LRP4: variants seen among roughly 807,000 people sequenced by gnomAD.
The protein encoded by LRP4 is LDL receptor related protein 4, also known as low-density lipoprotein receptor-related protein 4.
In LRP4, 95 loss-of-function variants were observed where a neutral mutation model predicts 220.3. That is an observed-to-expected ratio of 0.43 (90% CI 0.37 to 0.51). The LOEUF (loss-of-function observed/expected upper bound fraction) is 0.51. LRP4 is among the 20% of genes least tolerant of loss of function. LRP4 has a pLI of 0.00. For missense variants in LRP4, 1,925 were observed against 2,567.0 expected, an observed-to-expected ratio of 0.75 and a Z score of 5.40; for synonymous variants, 903 against 954.6, an observed-to-expected ratio of 0.95 and a Z score of 1.00.
In LRP4 at chr11:46,857,823, C is replaced by T. The variant is rs1019984159; in HGVS notation, c.*1160G>A. The T allele has an allele frequency of 1.3e-5, 2 of 152,614 alleles. No individual in the cohort carries two copies. Among genetic ancestry groups the T allele is most frequent in the African/African-American group, 4.8e-5 (2 of 41,422 alleles). The allele number at this position is 152,614 out of a possible 1,614,324, so 9.5% of individuals were successfully genotyped here. A position where few individuals can be genotyped will look rare whatever the true frequency, so the allele number is the denominator to read the frequency against. ...GAGGGGACAGCTGGAAGAGGAACAT[C>T]ACCACCCCGTAGCCACAGGCTTGCT... On this transcript the variant is annotated 3_prime_UTR_variant, in exon 38 of 38. Coordinates refer to ENST00000378623, the MANE Select transcript of LRP4 (RefSeq NM_002334.4).
intron 7 of LRP4, among the ~76,000 whole-genome samples, chr11:46,897,750 T>A (rs1746061429): frequency 6.6e-6 from 1 of 152,222 alleles, no homozygotes; most frequent in Non-Finnish European, 1.5e-5. Context: ...CAGAACAAAA[T>A]GAAAAGTCTC....
chr11:46,895,400 T>TA (rs1941506345), intron 10 of LRP4, 109 bp from the exon 11 acceptor site: 9 of 1,444,700 alleles, frequency 6.2e-6, no homozygotes, highest in Middle Eastern at 1.7e-4. Flanking sequence ...TTTCCAGGCC[T>TA]AGTGGGAAGG....
At position 46,875,636 on chromosome 11, in the gene LRP4, C is replaced by A; in HGVS notation, c.3745G>T (p.Val1249Leu). 4 of 1,614,162 alleles carry A rather than the reference C, an allele frequency of 2.5e-6. No homozygotes were observed. Among genetic ancestry groups the A allele is most frequent in the Non-Finnish European group, 3.4e-6 (4 of 1,180,022 alleles). ...CCATATGGGTGCTGCACCGGTGACACCAATGTATGCCGATTGGCACCATTC... is the reference window on the plus strand; with the variant it reads ...CCATATGGGTGCTGCACCGGTGACAACAATGTATGCCGATTGGCACCATTC... The part of the protein sequence containing the change: ...DLNGANRHTL[V>L]SPVQHPYGLT... The change falls in exon 27 of 38, where the codon GTG (valine) becomes TTG (leucine). Residue 1249 changes from valine to leucine, a missense_variant. Val to Leu is a conservative substitution (Grantham distance 32, BLOSUM62 1). Transcript: ENST00000378623. This position sits in a 1 kb window ranked among gnomAD's most constrained non-coding sequence, Gnocchi z 4.5.
chr11:46,878,999 T>G lies in LRP4; in HGVS notation c.3044A>C (p.His1015Pro). Residue 1015 changes from histidine to proline, a missense_variant, in exon 22 of 38, where the codon CAC becomes CCC. Physicochemically the swap from His to Pro is moderately conservative, Grantham distance 77 (BLOSUM62 -2). Transcript: ENST00000378623. ...PCAMENGGCS[H>P]LCLRSPNPSG... is the part of the protein sequence containing the mutation. ...TGGATTTGGGGACCTAAGACACAGG[T>G]GGCTACAGCCGCCATTCTCCATAGC... 6.2e-7 allele frequency: 1 copy of G among 1,614,086 alleles called. No homozygotes were observed. Among genetic ancestry groups the G allele is most frequent in the Non-Finnish European group, 8.5e-7 (1 of 1,180,012 alleles).
Position 46,890,888 on chromosome 11 carries a change from C to T in LRP4, c.1698-394G>A, listed in dbSNP as rs2134840476. 6.6e-6 allele frequency among the ~76,000 whole-genome samples: 1 copy of T among 152,198 alleles called. No individual in the cohort carries two copies. The highest frequency in any genetic ancestry group is 2.1e-4 in the South Asian group (1 of 4,814). On this transcript the variant is annotated intron_variant, in intron 13 of 37. Transcript: ENST00000378623. This position sits in a 1 kb window ranked among gnomAD's most constrained non-coding sequence, Gnocchi z 5.3. ...GGATTATAGGCATGAGTCACCATGC[C>T]CAGCCTCAGAATGCTTTTTAAGTGT...
chr11:46,878,875 G>A, intron 22 of LRP4, 32 bp downstream of exon 22: 2 of 1,613,576 alleles, frequency 1.2e-6, no homozygotes, highest in Non-Finnish European at 1.7e-6. Context: ...TCCCAGAGAG[G>A]CTGCATCTAG....
Position 46,879,291 on chromosome 11 carries a change from G to A in LRP4, c.2839C>T (p.His947Tyr), listed in dbSNP as rs760704709. The A allele has an allele frequency of 6.2e-7, 1 of 1,614,138 alleles. No homozygotes were observed. Among genetic ancestry groups the A allele is most frequent in the Non-Finnish European group, 8.5e-7 (1 of 1,180,044 alleles). ...CCATAGAGGGTCAGCCCAAATGGGTGGGGGAGCTGGCTTCCAATCAGCACC... is the reference window on the plus strand; with the variant it reads ...CCATAGAGGGTCAGCCCAAATGGGTAGGGGAGCTGGCTTCCAATCAGCACC... ...RKVLIGSQLP[H>Y]PFGLTLYGER... Residue 947 changes from histidine to tyrosine, a missense_variant, in exon 21 of 38, where the codon CAC (histidine) becomes TAC (tyrosine). Transcript: ENST00000378623.
chr11:46,875,354 C>T lies in LRP4; in HGVS notation c.3925+102G>A. ...GGAGCTTAAACAGGTCACCGTCTTT[C>T]TGGCTGTAAAGGAGCTCTGTGCTCT... is the stretch of plus-strand genomic sequence containing the variant. On this transcript the variant is annotated intron_variant, in intron 27 of 37. Coordinates refer to ENST00000378623, the MANE Select transcript of LRP4 (RefSeq NM_002334.4). The surrounding 1 kb of genome is among the most constrained non-coding windows in gnomAD (Gnocchi z 4.5). 1 of 1,121,386 alleles carries T rather than the reference C, an allele frequency of 8.9e-7. No individual in the cohort carries two copies. 69.5% of individuals were successfully genotyped at this position (1,121,386 alleles called of 1,614,324 possible). A position where few individuals can be genotyped will look rare whatever the true frequency, so the allele number is the denominator to read the frequency against.
intron 1 of LRP4, among the ~76,000 whole-genome samples, chr11:46,906,764 A>T (rs748016519): frequency 3.9e-5 from 6 of 152,090 alleles, no homozygotes; most frequent in Non-Finnish European, 5.9e-5. Flanking sequence ...CTGAGTGATA[A>T]CAGAAGTCCC....
intron 7 of LRP4, among the ~76,000 whole-genome samples, chr11:46,898,008 C>T (rs1447006919): frequency 7.1e-6 from 1 of 140,246 alleles, no homozygotes; most frequent in Non-Finnish European, 1.5e-5. Context: ...GGGGGCTGAC[C>T]CCCCAACCTC....
At chr11:46,881,675 T>TTACC in intron 20 of LRP4, 27 bp downstream of exon 20, 2 of 1,602,632 alleles carry the variant, frequency 1.2e-6, no homozygotes, top group Non-Finnish European at 1.7e-6. Context: ...AGTGCCACCC[T>TTACC]TACCTTCCTC....
intron 30 of LRP4, 122 bp from the exon 31 acceptor site, chr11:46,871,755 C>G (rs1214662971): frequency 5.5e-6 from 4 of 726,742 alleles, no homozygotes; most frequent in Non-Finnish European, 7.4e-6. Context: ...ACTCAAGAAG[C>G]ACCCTCGATG....
At chr11:46,884,736 CAAAAAA>C (rs71042633) in intron 18 of LRP4, among the ~76,000 whole-genome samples, 40 of 40,758 alleles carry the variant, frequency 9.8e-4, no homozygotes, top group African/African-American at 3.3e-3. Flanking sequence ...GACTCCGTCT[CAAAAAA>C]AAAAAAAAAA....
At chr11:46,869,954 A>G (rs191205142) in intron 31 of LRP4, among the ~76,000 whole-genome samples, 212 of 152,216 alleles carry the variant, frequency 1.4e-3, no homozygotes, top group African/African-American at 4.7e-3. Flanking sequence ...AAAAATACAA[A>G]AATTAGCTGG....
In LRP4 at chr11:46,857,252, C is replaced by A. The variant is rs1384475775; in HGVS notation, c.*1731G>T. On this transcript the variant is annotated 3_prime_UTR_variant, in exon 38 of 38. Transcript: ENST00000378623. ...AATGTGGGGAGGCTCAGAACTGGGGCTGACGCTACTGAGAGCAAGGCTAAG... is the reference window on the plus strand; with the variant it reads ...AATGTGGGGAGGCTCAGAACTGGGGATGACGCTACTGAGAGCAAGGCTAAG... The A allele has an allele frequency of 6.6e-6, 1 of 152,254 alleles. No individual in the cohort carries two copies. The allele number at this position is 152,254 out of a possible 1,614,324, so 9.4% of individuals were successfully genotyped here.
intron 12 of LRP4, 43 bp from the exon 13 acceptor site, chr11:46,893,172 G>A: frequency 1.9e-6 from 3 of 1,612,862 alleles, no homozygotes; most frequent in East Asian, 2.2e-5. Flanking sequence ...AGTCAACCCA[G>A]GCCCCCATGT....
Position 46,894,803 on chromosome 11 carries a change from C to T in LRP4, c.1326G>A (p.Leu442=). The change falls in exon 12 of 38, where the codon CTG becomes CTA. Residue 442 remains leucine, a synonymous_variant. Transcript: ENST00000378623. ...GGATGTCGATGCGATTGGCGAACAG[C>T]AGCACAGGCTCTGGCCCTGGGAAAC... ...SCKALGPEPV[L]LFANRIDIRQ... The T allele has an allele frequency of 6.2e-7, 1 of 1,614,130 alleles. No homozygotes were observed. Among genetic ancestry groups the T allele is most frequent in the Non-Finnish European group, 8.5e-7 (1 of 1,179,974 alleles).
At chr11:46,880,740 C>T (rs1013152621) in intron 20 of LRP4, among the ~76,000 whole-genome samples, 2 of 151,986 alleles carry the variant, frequency 1.3e-5, no homozygotes, top group African/African-American at 4.8e-5. Flanking sequence ...AAGGACATCA[C>T]TGAGGCAATT....
rs377172678 is a variant in LRP4 at position 46,890,160 on chromosome 11, T to C, written c.1916-40A>G. On this transcript the variant is annotated intron_variant, in intron 14 of 37. Transcript: ENST00000378623. This position sits in a 1 kb window ranked among gnomAD's most constrained non-coding sequence, Gnocchi z 5.3. The stretch of plus-strand genomic sequence containing the variant: ...GGAAGACCTCAGTCTGGACGTGGTC[T>C]GCCATGTCCCCTGGGCCCAGGCCTG... The C allele has an allele frequency of 3.7e-6, 6 of 1,610,254 alleles. No homozygotes were observed. The highest frequency in any genetic ancestry group is 5.1e-6 in the Non-Finnish European group (6 of 1,176,820).
Sources: gnomAD v4.1 joint callset for allele counts (sites outside exome capture counted in the v4.1 genomes callset) on GRCh38, gnomAD v4.1.1 for gene constraint, Gnocchi (gnomAD v3.1) non-coding constraint, MANE v1.5 for transcripts, NCBI Gene and HGNC (gene_info 2026-07-23, HGNC 2026-07-21) for gene names.